The following ESRRB variants were observed in gnomAD, a reference collection of about 807,000 sequenced individuals.
ESRRB encodes steroid hormone receptor ERR2.
Under a neutral mutation model 46.0 loss-of-function variants are expected in ESRRB, and 16 were observed. That is an observed-to-expected ratio of 0.35 (90% CI 0.24 to 0.53). The LOEUF (loss-of-function observed/expected upper bound fraction) is 0.53, where lower values mean the gene tolerates loss of function less well. ESRRB is among the 20% of genes least tolerant of loss of function. The probability of loss-of-function intolerance (pLI) is 0.93; values close to 1 mark genes in which losing one functional copy is unlikely to be tolerated. For synonymous variants in ESRRB, 246 were observed against 259.6 expected, an observed-to-expected ratio of 0.95 and a Z score of 0.50; for missense variants, 488 against 607.4, an observed-to-expected ratio of 0.80 and a Z score of 2.07.
intron 1 of ESRRB, among the ~76,000 whole-genome samples, chr14:76,354,923 C>T (rs1884361744): frequency 6.6e-6 from 1 of 151,984 alleles, no homozygotes; most frequent in Non-Finnish European, 1.5e-5. Context: ...GTTGGCCAGG[C>T]TGGTCTCGAA....
chr14:76,420,866 C>T (rs1414740380), intron 1 of ESRRB, among the ~76,000 whole-genome samples: 1 of 152,172 alleles, frequency 6.6e-6, no homozygotes, highest in Non-Finnish European at 1.5e-5. Flanking sequence ...CACACCCCAC[C>T]TGTGCACATG....
In ESRRB at chr14:76,412,742, G is replaced by A. The variant is rs147096484; in HGVS notation, c.51-26599G>A. Among the ~76,000 whole-genome samples the A allele has an allele frequency of 5.4e-4, 82 of 152,334 alleles. No homozygotes were observed. In the East Asian group the frequency reaches 0.013, roughly 24 times the overall value. On this transcript the variant is annotated intron_variant, in intron 1 of 6. Coordinates refer to ENST00000644823, the MANE Select transcript of ESRRB (RefSeq NM_001379180.1). ...TTCCATTTACATAAGGATTAGCTGCGGGGTTCCTTTAAATAGCTGGCTTTG... is the reference window on the plus strand; with the variant it reads ...TTCCATTTACATAAGGATTAGCTGCAGGGTTCCTTTAAATAGCTGGCTTTG...
At chr14:76,469,948 T>TTTTTTTTTTTTTTTTTTTTTTTTTCTTTC (rs1889309913) in intron 3 of ESRRB, among the ~76,000 whole-genome samples, 1 of 130,758 alleles carries the variant, frequency 7.6e-6, no homozygotes, top group African/African-American at 3.1e-5. Flanking sequence ...TTTTTTCTTT[T>TTTTTTTTTTTTTTTTTTTTTTTTTCTTTC]TTTTTTTTTT....
In ESRRB at chr14:76,376,427, C is replaced by T. The variant is rs1435217724; in HGVS notation, c.26C>T (p.Pro9Leu). Residue 9 changes from proline to leucine, a missense_variant, in exon 1 of 7, where the codon CCG becomes CTG. Physicochemically the swap from Pro to Leu is moderately conservative, Grantham distance 98. Coordinates refer to ENST00000644823, the MANE Select transcript of ESRRB (RefSeq NM_001379180.1). The surrounding 1 kb of genome is among the most constrained non-coding windows in gnomAD (Gnocchi z 4.1). MDVSELCI[P>L]DPLGYHNQLL... ...ATGGACGTGTCCGAACTCTGCATCC[C>T]GGACCCCCTCGGCTACCACAACCAG... 8.1e-7 allele frequency: 1 copy of T among 1,231,612 alleles called. No individual in the cohort carries two copies. Among genetic ancestry groups the T allele is most frequent in the African/African-American group, 1.6e-5 (1 of 64,398 alleles). 76.3% of individuals were successfully genotyped at this position (1,231,612 alleles called of 1,614,324 possible). A position where few individuals can be genotyped will look rare whatever the true frequency, so the allele number is the denominator to read the frequency against.
intron 1 of ESRRB, among the ~76,000 whole-genome samples, chr14:76,435,814 C>T (rs1164516121): frequency 6.6e-6 from 1 of 152,160 alleles, no homozygotes; most frequent in Non-Finnish European, 1.5e-5. Context: ...CTGGGTGACA[C>T]AGTGAGACTC....
At chr14:76,468,911 G>C (rs923457699) in intron 3 of ESRRB, among the ~76,000 whole-genome samples, 2 of 151,976 alleles carry the variant, frequency 1.3e-5, no homozygotes, top group Non-Finnish European at 2.9e-5. Flanking sequence ...TGAAAAAATA[G>C]AAAGTCAAAT....
In ESRRB at chr14:76,453,816, T is replaced by A. The variant is rs112443677; in HGVS notation, c.461-8729T>A. Among the ~76,000 whole-genome samples the A allele has an allele frequency of 6.2e-4, 94 of 152,222 alleles. 1 individual carries two copies. The highest frequency in any genetic ancestry group is 2.2e-3 in the African/African-American group (90 of 41,530). The stretch of plus-strand genomic sequence containing the variant: ...TGGTAGAGATGGGGTTTCACCATGT[T>A]GTCCAGGCTGGTCTTGAACACCTGG... On this transcript the variant is annotated intron_variant, in intron 2 of 6. Coordinates refer to ENST00000644823, the MANE Select transcript of ESRRB (RefSeq NM_001379180.1).
At chr14:76,441,618 G>A (rs58785119) in intron 2 of ESRRB, among the ~76,000 whole-genome samples, 12,317 of 152,282 alleles carry the variant, frequency 0.081, 781 homozygotes, top group African/African-American at 0.17. Flanking sequence ...GTGCCTCGCC[G>A]ATAGCTGTGA....
At chr14:76,447,626 T>C (rs1241164470) in intron 2 of ESRRB, among the ~76,000 whole-genome samples, 1 of 152,178 alleles carries the variant, frequency 6.6e-6, no homozygotes, top group Non-Finnish European at 1.5e-5. Flanking sequence ...CCATTTCTCC[T>C]TGTGTTCCCA....
At chr14:76,357,582 C>T (rs1225152008) in intron 1 of ESRRB, among the ~76,000 whole-genome samples, 1 of 152,208 alleles carries the variant, frequency 6.6e-6, no homozygotes, top group African/African-American at 2.4e-5. Flanking sequence ...GGCATGATCA[C>T]AGCTCACTGT....
At chr14:76,435,142 G>A (rs71429955) in intron 1 of ESRRB, among the ~76,000 whole-genome samples, 17,886 of 152,212 alleles carry the variant, frequency 0.12, 1,144 homozygotes, top group Admixed American at 0.14. Context: ...CGCTAGTATC[G>A]CCCAGCCTCT....
At chr14:76,476,753 C>T (rs1889600137) in intron 3 of ESRRB, among the ~76,000 whole-genome samples, 1 of 152,206 alleles carries the variant, frequency 6.6e-6, no homozygotes, top group Admixed American at 6.5e-5. Context: ...CCAGCTCTTT[C>T]TTTCTTCTCT....
chr14:76,440,707 T>TCTTTCTCTCTC (rs1566900352), intron 2 of ESRRB, among the ~76,000 whole-genome samples: 1 of 151,398 alleles, frequency 6.6e-6, no homozygotes, highest in African/African-American at 2.4e-5. Flanking sequence ...CTCTTTCTTT[T>TCTTTCTCTCTC]TCTTTCTCTC....
intron 6 of ESRRB, among the ~76,000 whole-genome samples, chr14:76,492,323 C>G (rs751178165): frequency 1.3e-5 from 2 of 151,948 alleles, no homozygotes; most frequent in Non-Finnish European, 2.9e-5. Context: ...GCCATTATTC[C>G]GGCCAATTCT....
At chr14:76,462,883 A>G (rs1007922539) in intron 3 of ESRRB, among the ~76,000 whole-genome samples, 1 of 151,970 alleles carries the variant, frequency 6.6e-6, no homozygotes, top group Admixed American at 6.6e-5. Context: ...ATCCTTCCGA[A>G]CCCCTGACCC....
chr14:76,425,245 G>A (rs1347343472), intron 1 of ESRRB, among the ~76,000 whole-genome samples: 1 of 152,166 alleles, frequency 6.6e-6, no homozygotes, highest in Non-Finnish European at 1.5e-5. Context: ...ACTGTAACTG[G>A]AAGCTCAGAG....
At chr14:76,339,782 TG>T (rs1884170387) in intron 1 of ESRRB, among the ~76,000 whole-genome samples, 1 of 152,112 alleles carries the variant, frequency 6.6e-6, no homozygotes, top group South Asian at 2.1e-4. Context: ...GCTGCCTCTA[TG>T]GCCCCAGGAA....
intron 1 of ESRRB, among the ~76,000 whole-genome samples, chr14:76,356,093 C>T (rs965496574): frequency 6.6e-6 from 1 of 152,222 alleles, no homozygotes. Flanking sequence ...ATTGACATGA[C>T]CTGCTCCACA....
rs1890238408 is a variant in ESRRB, at chr14:76,491,703, C to T, written c.1107C>T (p.Ala369=). The change falls in exon 6 of 7, where the codon GCC becomes GCT. Residue 369 remains alanine (A), a synonymous_variant. Transcript: ENST00000644823. ...KEEFVTLKAL[A]LANSDSMYIE... is the part of the protein sequence containing the mutation. ...AGTTTGTGACGCTCAAGGCCCTGGC[C>T]CTCGCCAACTCCGGTAAGGGCGGCG... 1.3e-6 allele frequency: 2 copies of T among 1,581,520 alleles called. No individual in the cohort carries two copies. The highest frequency in any genetic ancestry group is 2.3e-5 in the East Asian group (1 of 43,960).
Sources: allele counts gnomAD v4.1 joint callset (sites outside exome capture counted in the v4.1 genomes callset), GRCh38; gene constraint gnomAD v4.1.1; non-coding constraint Gnocchi (gnomAD v3.1); transcripts MANE v1.5; gene names NCBI Gene and HGNC (gene_info 2026-07-23, HGNC 2026-07-21).